Variants in TCP11L2 observed in about 807,000 individuals in gnomAD.
The protein encoded by TCP11L2 is t-complex 11 like 2, also known as T-complex protein 11-like protein 2.
In TCP11L2, 39 loss-of-function variants were observed where a neutral mutation model predicts 50.7. That is an observed-to-expected ratio of 0.77 (90% CI 0.60 to 1.01). The LOEUF (loss-of-function observed/expected upper bound fraction) is 1.01, where lower values mean the gene tolerates loss of function less well. TCP11L2 is among the 50% of genes least tolerant of loss of function. The pLI is 0.00. For missense variants in TCP11L2, 612 were observed against 614.7 expected (o/e 1.00, Z 0.05); for synonymous variants, 192 against 219.3 (o/e 0.88, Z 1.10).
At chr12:106,338,788 A>G (rs1455544319) in intron 8 of TCP11L2, among the ~76,000 whole-genome samples, 1 of 152,240 alleles carries the variant, frequency 6.6e-6, no homozygotes, top group Non-Finnish European at 1.5e-5. Flanking sequence ...CCAGCAGTGT[A>G]TAAGTGCTCT....
intron 6 of TCP11L2, 59 bp from the exon 7 acceptor site, chr12:106,335,580 A>T: frequency 6.5e-7 from 1 of 1,549,928 alleles, no homozygotes; most frequent in Non-Finnish European, 8.8e-7. Flanking sequence ...GTCAAGTGGA[A>T]TACACCAGTG....
At chr12:106,309,702 A>G (rs1196090918) in intron 1 of TCP11L2, among the ~76,000 whole-genome samples, 1 of 148,354 alleles carries the variant, frequency 6.7e-6, no homozygotes, top group African/African-American at 2.5e-5. Context: ...CCCTTTTCCC[A>G]TCTAGTAGCA....
At chr12:106,329,335 G>T in intron 6 of TCP11L2, 1 of 1,536,098 alleles carries the variant, frequency 6.5e-7, no homozygotes, top group Non-Finnish European at 8.7e-7. Context: ...CCCAGGAAAA[G>T]CCGAGGTTGC....
chr12:106,307,993 G>A (rs1351259145), intron 1 of TCP11L2, among the ~76,000 whole-genome samples: 2 of 152,082 alleles, frequency 1.3e-5, no homozygotes, highest in Non-Finnish European at 2.9e-5. Context: ...GAGTAATAAT[G>A]GGCATTTTGG....
At chr12:106,312,197 T>G (rs2034880224) in intron 2 of TCP11L2, 3 of 393,040 alleles carry the variant, frequency 7.6e-6, no homozygotes, top group African/African-American at 6.4e-5. Flanking sequence ...TACTTATTAC[T>G]TTACCAAGTG....
At chr12:106,329,449 GTTTCAC>G in intron 6 of TCP11L2, 1 of 1,533,864 alleles carries the variant, frequency 6.5e-7, no homozygotes, top group Non-Finnish European at 8.7e-7. Context: ...AAGAGCCAAC[GTTTCAC>G]TCTAAACGCA....
At chr12:106,320,785 A>G (rs942271949) in intron 4 of TCP11L2, among the ~76,000 whole-genome samples, 7 of 152,252 alleles carry the variant, frequency 4.6e-5, no homozygotes, top group Non-Finnish European at 8.8e-5. Context: ...ATGCACAACA[A>G]TAAACAATGT....
intron 4 of TCP11L2, among the ~76,000 whole-genome samples, chr12:106,318,883 T>C (rs1288657005): frequency 1.0e-5 from 1 of 97,978 alleles, no homozygotes; most frequent in African/African-American, 3.2e-5. Context: ...GCTAATTTTT[T>C]GTATTTTATT....
intron 6 of TCP11L2, among the ~76,000 whole-genome samples, chr12:106,333,842 A>G (rs2035824565): frequency 6.6e-6 from 1 of 152,184 alleles, no homozygotes; most frequent in Non-Finnish European, 1.5e-5. Flanking sequence ...AGTGTTCTGT[A>G]CTGGGCATCT....
chr12:106,327,061 A>G (rs560772748), intron 6 of TCP11L2, among the ~76,000 whole-genome samples: 1 of 152,380 alleles, frequency 6.6e-6, no homozygotes, highest in Non-Finnish European at 1.5e-5. Flanking sequence ...CACATGTACA[A>G]ATGCACCCAT....
At chr12:106,302,394 TCAGCCCCCGCTCAG>T (rs1449292672), upstream of TCP11L2, among the ~76,000 whole-genome samples, 63 of 61,956 alleles carry the variant, frequency 1.0e-3, 3 homozygotes, top group African/African-American at 3.4e-3. Context: ...CAGCCCCCGC[TCAGCCCCCGCTCAG>T]CCCCCGCTCC....
intron 1 of TCP11L2, among the ~76,000 whole-genome samples, chr12:106,307,676 C>G (rs943627688): frequency 1.3e-5 from 2 of 152,102 alleles, no homozygotes. Flanking sequence ...GGGCCATTCG[C>G]TTTTGGTTTT....
At chr12:106,312,257 A>ATTTTTT (rs55891003) in intron 2 of TCP11L2, 5 of 291,614 alleles carry the variant, frequency 1.7e-5, no homozygotes, top group East Asian at 1.1e-4. Context: ...TTTAGTTTCC[A>ATTTTTT]TTTTTTTTTT....
intron 1 of TCP11L2, among the ~76,000 whole-genome samples, chr12:106,309,220 C>T (rs1457134418): frequency 6.6e-6 from 1 of 152,216 alleles, no homozygotes; most frequent in Non-Finnish European, 1.5e-5. Context: ...TTTCTTCTGT[C>T]TTCTCTCGCC....
chr12:106,302,374 A>G (rs1308440445), upstream of TCP11L2, among the ~76,000 whole-genome samples: 2 of 44,338 alleles, frequency 4.5e-5, no homozygotes, highest in African/African-American at 1.1e-4. Flanking sequence ...GCCCCCGCTC[A>G]GCCCCCGCTC....
At chr12:106,329,829 A>C in intron 6 of TCP11L2, 5 of 986,978 alleles carry the variant, frequency 5.1e-6, no homozygotes, top group Non-Finnish European at 6.0e-6. Flanking sequence ...GAAAGACTGC[A>C]AGTCTTTTAC....
intron 2 of TCP11L2, among the ~76,000 whole-genome samples, chr12:106,311,841 T>A (rs1257617758): frequency 6.6e-6 from 1 of 152,080 alleles, no homozygotes; most frequent in Admixed American, 6.5e-5. Context: ...TTTTTTTTTT[T>A]AATTGGCACT....
chr12:106,337,450 A>G (rs2035956334), intron 8 of TCP11L2, among the ~76,000 whole-genome samples: 1 of 152,250 alleles, frequency 6.6e-6, no homozygotes, highest in Non-Finnish European at 1.5e-5. Flanking sequence ...ACCAAGACCT[A>G]TAATGAAAGG....
At chr12:106,343,328 G>A (rs183990927) in intron 9 of TCP11L2, among the ~76,000 whole-genome samples, 3 of 152,282 alleles carry the variant, frequency 2.0e-5, no homozygotes, top group Admixed American at 6.5e-5. Flanking sequence ...TGAAGGTCAG[G>A]CAACTAGTCT....
Sources: allele counts gnomAD v4.1 joint callset (sites outside exome capture counted in the v4.1 genomes callset), GRCh38; gene constraint gnomAD v4.1.1; transcripts MANE v1.5; gene names NCBI Gene and HGNC (gene_info 2026-07-23, HGNC 2026-07-21).